TAF15: variants seen among roughly 807,000 people sequenced by gnomAD.
TAF15 encodes the protein TATA-box binding protein associated factor 15.
Under a neutral mutation model 102.5 loss-of-function variants are expected in TAF15, and 37 were observed. The observed-to-expected ratio is 0.36, with a 90% confidence interval of 0.28 to 0.47. TAF15 has a LOEUF of 0.47. TAF15 is among the 20% of genes least tolerant of loss of function. The pLI, the probability that TAF15 is intolerant of heterozygous loss-of-function variation, is 0.99. For synonymous variants in TAF15, 273 were observed against 259.2 expected (o/e 1.05, Z -0.51); for missense variants, 652 against 760.7 (o/e 0.86, Z 1.68).
chr17:35,844,627 G>A lies in TAF15; in HGVS notation c.1328G>A (p.Gly443Glu), dbSNP rs764463484. 6.2e-7 allele frequency: 1 copy of A among 1,605,008 alleles called. No individual in the cohort carries two copies. The highest frequency in any genetic ancestry group is 1.3e-5 in the African/African-American group (1 of 74,438). ...SGGGYSGDRS[G>E]GGYGGDRSGG... Reference sequence around the variant, plus strand: ...GGTGGCTACAGCGGAGATAGAAGTGGGGGCGGCTATGGTGGAGACAGAAGT... The same window carrying A: ...GGTGGCTACAGCGGAGATAGAAGTGAGGGCGGCTATGGTGGAGACAGAAGT... The change falls in exon 15 of 16, where the codon GGG becomes GAG. Residue 443 changes from glycine (G) to glutamate (E), a missense_variant. By Grantham distance (98) the Gly-to-Glu change is moderately conservative. Transcript: ENST00000605844.
chr17:35,832,261 C>G (rs1017158112), intron 7 of TAF15, among the ~76,000 whole-genome samples: 1 of 152,176 alleles, frequency 6.6e-6, no homozygotes, highest in Non-Finnish European at 1.5e-5. Flanking sequence ...CTTAGAAATT[C>G]AGTGGCAAAC....
intron 2 of TAF15, chr17:35,818,763 A>G (rs979605845): frequency 2.0e-5 from 3 of 151,984 alleles, no homozygotes; most frequent in African/African-American, 7.3e-5. Flanking sequence ...ACAATGAGTT[A>G]TGACCATGCC....
chr17:35,809,875 C>T (rs1156800149), intron 1 of TAF15: 3 of 565,652 alleles, frequency 5.3e-6, no homozygotes, highest in African/African-American at 3.8e-5. Context: ...GGGCGGAGGC[C>T]GTCTACGCCA....
rs1364086613 is a variant in TAF15, at chr17:35,845,073, C to T, written c.1739+35C>T. 4 of 1,611,882 alleles carry T rather than the reference C, an allele frequency of 2.5e-6. No individual in the cohort carries two copies. In the African/African-American group the frequency reaches 4.0e-5, roughly 16 times the overall value. ...AGAATGTGTTTATTAACCTTTTTAC[C>T]TCACTGCACCTAGATTGGGGGATTT... On this transcript the variant is annotated intron_variant, in intron 15 of 15. Transcript: ENST00000605844.
chr17:35,843,696 G>A lies in TAF15; in HGVS notation c.1007-381G>A, dbSNP rs148590509. Reference sequence around the variant, plus strand: ...GGTCATGGTCATTGAAGCATTTCAGGTTTTGGGTTTTTGGATTTGGGCTGC... The same window carrying A: ...GGTCATGGTCATTGAAGCATTTCAGATTTTGGGTTTTTGGATTTGGGCTGC... On this transcript the variant is annotated intron_variant, in intron 12 of 15. Transcript: ENST00000605844. Among the ~76,000 whole-genome samples the A allele has an allele frequency of 8.1e-3, 1,232 of 152,236 alleles. 23 individuals carry two copies. Among genetic ancestry groups the A allele is most frequent in the African/African-American group, 0.029 (1,188 of 41,540 alleles).
chr17:35,821,193 TTAAA>T (rs1437011420), intron 5 of TAF15, among the ~76,000 whole-genome samples: 1 of 152,080 alleles, frequency 6.6e-6, no homozygotes, highest in East Asian at 1.9e-4. Flanking sequence ...TAAGTGAAAA[TTAAA>T]TAAAAGCATT....
At chr17:35,837,017 G>A (rs1166760457) in intron 10 of TAF15, among the ~76,000 whole-genome samples, 3 of 151,534 alleles carry the variant, frequency 2.0e-5, no homozygotes, top group East Asian at 3.9e-4. Context: ...CAAGTGATCC[G>A]CCCACCTCGG....
chr17:35,810,323 CAAAGG>C (rs895999188), intron 1 of TAF15: 7 of 152,692 alleles, frequency 4.6e-5, no homozygotes, highest in African/African-American at 1.7e-4. Flanking sequence ...ACATGCAGAC[CAAAGG>C]AAAGGCAATC....
rs1223763085 is a variant in TAF15 at position 35,822,679 on chromosome 17, T to C, written c.330T>C (p.Tyr110=). 1 of 1,614,164 alleles carries C rather than the reference T, an allele frequency of 6.2e-7. No homozygotes were observed. The highest frequency in any genetic ancestry group is 1.3e-5 in the African/African-American group (1 of 75,046). Residue 110 remains tyrosine, a synonymous_variant, in exon 6 of 16, where the codon TAT becomes TAC. Transcript: ENST00000605844. The part of the protein sequence containing the change: ...GRAPSYDQPD[Y]GQQDSYDQQS... ...CACCTTCCTATGACCAGCCAGACTA[T>C]GGTCAACAAGATTCATATGACCAGC...
In TAF15 at chr17:35,812,326, G is replaced by C. The variant is rs911523326; in HGVS notation, c.7+2750G>C. 2.0e-5 allele frequency among the ~76,000 whole-genome samples: 3 copies of C among 152,112 alleles called. No homozygotes were observed. The South Asian group carries it at 6.2e-4, about 32-fold the overall frequency. ...AAAACATGAAGAACGGCTGGGCGTGGTGGCTCACGTCTGTAATCCCAGCAC... is the reference window on the plus strand; with the variant it reads ...AAAACATGAAGAACGGCTGGGCGTGCTGGCTCACGTCTGTAATCCCAGCAC... On this transcript the variant is annotated intron_variant, in intron 1 of 15. Coordinates refer to ENST00000605844, the MANE Select transcript of TAF15 (RefSeq NM_139215.3).
chr17:35,846,464 C>T (rs1354866795), intron 15 of TAF15, among the ~76,000 whole-genome samples: 1 of 152,186 alleles, frequency 6.6e-6, no homozygotes, highest in Non-Finnish European at 1.5e-5. Flanking sequence ...TAGTTCTAGT[C>T]CTTCTGTCAT....
At position 35,809,489 on chromosome 17, in the gene TAF15, A is replaced by G. The variant is rs1324630496; in HGVS notation, c.-81A>G. On this transcript the variant is annotated 5_prime_UTR_variant, in exon 1 of 16. Coordinates refer to ENST00000605844, the MANE Select transcript of TAF15 (RefSeq NM_139215.3). ...CAGCCCGCCGCGCCGCCCTCAGTAC[A>G]GCTCCGGCCGCCGCGCCGCCTGGCT... 1.3e-5 allele frequency: 20 copies of G among 1,595,872 alleles called. No homozygotes were observed. Among genetic ancestry groups the G allele is most frequent in the East Asian group, 6.7e-5 (3 of 44,684 alleles).
At chr17:35,822,019 T>C (rs2087265403) in intron 5 of TAF15, among the ~76,000 whole-genome samples, 1 of 152,124 alleles carries the variant, frequency 6.6e-6, no homozygotes. Context: ...TACTGTACTT[T>C]GTAGCATCTT....
At position 35,834,653 on chromosome 17, in the gene TAF15, TTG is replaced by T. The variant is rs2087448458; in HGVS notation, c.673+56_673+57del. 6 of 1,579,040 alleles carry T rather than the reference TTG, an allele frequency of 3.8e-6. No individual in the cohort carries two copies. In the East Asian group the frequency reaches 1.3e-4, roughly 35 times the overall value. ...CATTAAGAAAATGTTAGTTTTTTTT[TTG>T]ATGGGAAAAGTGTGTGTTTGGAGGG... On this transcript the variant is annotated intron_variant, in intron 9 of 15. Coordinates refer to ENST00000605844, the MANE Select transcript of TAF15 (RefSeq NM_139215.3).
At position 35,845,092 on chromosome 17, in the gene TAF15, G is replaced by A. The variant is rs1014023981; in HGVS notation, c.1739+54G>A. On this transcript the variant is annotated intron_variant, in intron 15 of 15. Transcript: ENST00000605844. ...TTTTACCTCACTGCACCTAGATTGG[G>A]GGATTTGAACCACATTTTAACAATT... is the stretch of plus-strand genomic sequence containing the variant. 5.6e-6 allele frequency: 9 copies of A among 1,608,064 alleles called. No individual in the cohort carries two copies. In the African/African-American group the frequency reaches 1.1e-4, roughly 19 times the overall value.
intron 6 of TAF15, 36 bp from the exon 7 acceptor site, chr17:35,824,042 A>T: frequency 3.1e-6 from 5 of 1,613,916 alleles, no homozygotes; most frequent in Non-Finnish European, 4.2e-6. Flanking sequence ...TAGAAATGAG[A>T]GTGGTTATTT....
At chr17:35,835,858 G>A (rs563351451) in intron 9 of TAF15, among the ~76,000 whole-genome samples, 6 of 152,370 alleles carry the variant, frequency 3.9e-5, no homozygotes, top group African/African-American at 1.2e-4. Context: ...AATCTGAAGA[G>A]TGAGGTTTGT....
chr17:35,813,623 GAGACCC>G (rs2087154080), intron 1 of TAF15, among the ~76,000 whole-genome samples: 1 of 131,648 alleles, frequency 7.6e-6, no homozygotes, highest in African/African-American at 2.9e-5. Context: ...GCAACAGAGC[GAGACCC>G]TGTCCCCCCC....
intron 7 of TAF15, among the ~76,000 whole-genome samples, chr17:35,833,225 G>T (rs1435013413): frequency 6.6e-6 from 1 of 152,084 alleles, no homozygotes; most frequent in Non-Finnish European, 1.5e-5. Flanking sequence ...TACTGATAGT[G>T]TACAGAGCAT....
Sources: allele counts gnomAD v4.1 joint callset (sites outside exome capture counted in the v4.1 genomes callset), GRCh38; gene constraint gnomAD v4.1.1; transcripts MANE v1.5; gene names NCBI Gene and HGNC (gene_info 2026-07-23, HGNC 2026-07-21).